The following MTA3 variants were observed in gnomAD, a reference collection of about 807,000 sequenced individuals.
MTA3 encodes metastasis-associated protein MTA3.
A neutral mutation model predicts 83.5 loss-of-function variants in MTA3; 34 were observed. That is an observed-to-expected ratio of 0.41 (90% CI 0.31 to 0.54). The LOEUF is 0.54. Ranked by LOEUF, MTA3 falls within the 20% of genes least tolerant of loss-of-function variation. MTA3 has a pLI of 0.33. For synonymous variants in MTA3, 303 were observed against 252.7 expected, an observed-to-expected ratio of 1.20 and a Z score of -1.89; for missense variants, 761 against 726.4, an observed-to-expected ratio of 1.05 and a Z score of -0.55.
intron 3 of MTA3, among the ~76,000 whole-genome samples, chr2:42,607,498 GTC>G (rs1299542198): frequency 6.6e-6 from 1 of 152,098 alleles, no homozygotes; most frequent in African/African-American, 2.4e-5. Context: ...TCCTACATCA[GTC>G]TCTGAGTAGC....
chr2:42,572,111 A>C (rs190939261), intron 2 of MTA3, among the ~76,000 whole-genome samples: 129 of 151,910 alleles, frequency 8.5e-4, no homozygotes, highest in African/African-American at 2.9e-3. Context: ...CCCCGTCTCT[A>C]CTAAAAATAC....
chr2:42,704,346 G>A (rs1425701955), intron 12 of MTA3, 28 bp downstream of exon 12: 3 of 1,612,394 alleles, frequency 1.9e-6, no homozygotes, highest in Non-Finnish European at 2.5e-6. Flanking sequence ...GGTCAGTTAA[G>A]CATCGGGAAC....
rs903346735 is a variant in MTA3, at chr2:42,604,808, G to T, written c.191-4650G>T. ...CTCTTAACGAGCATGCTGCCTTCAA[G>T]CATCTGTTTAACAAAGCACATATTG... is the stretch of plus-strand genomic sequence containing the variant. On this transcript the variant is annotated intron_variant, in intron 3 of 16. Transcript: ENST00000405094. Among the ~76,000 whole-genome samples the T allele has an allele frequency of 1.3e-5, 2 of 148,774 alleles. 1 individual carries two copies. The highest frequency in any genetic ancestry group is 3.0e-5 in the Non-Finnish European group (2 of 67,188).
chr2:42,750,618 A>G (rs1181587910), intron 16 of MTA3, among the ~76,000 whole-genome samples: 4 of 152,020 alleles, frequency 2.6e-5, no homozygotes, highest in African/African-American at 4.8e-5. Context: ...GTTTCTTCCT[A>G]TCTGTTCCCC....
chr2:42,561,777 T>C (rs1677687086), intron 2 of MTA3, among the ~76,000 whole-genome samples: 1 of 152,188 alleles, frequency 6.6e-6, no homozygotes, highest in African/African-American at 2.4e-5. Context: ...TATTTCTCTT[T>C]ATTCTATTAT....
At chr2:42,560,030 G>A (rs1044562841) in intron 2 of MTA3, among the ~76,000 whole-genome samples, 11 of 151,896 alleles carry the variant, frequency 7.2e-5, no homozygotes, top group African/African-American at 2.7e-4. Flanking sequence ...TTCATACTCT[G>A]CACAGCAGTC....
In MTA3 at chr2:42,644,247, A is replaced by T. The variant is rs773050795; in HGVS notation, c.499+3A>T. 3 of 1,591,988 alleles carry T rather than the reference A, an allele frequency of 1.9e-6. No homozygotes were observed. The highest frequency in any genetic ancestry group is 3.5e-5 in the Admixed American group (2 of 57,920). On this transcript the variant is annotated splice_donor_region_variant and intron_variant, in intron 6 of 16. Transcript: ENST00000405094. The stretch of plus-strand genomic sequence containing the variant: ...CATTCCAGAAATGCTGTTAGAAGGT[A>T]CGTTTTTCTGCGTGTTTGCAGTTTT...
At chr2:42,597,543 G>A (rs1402098349) in intron 3 of MTA3, among the ~76,000 whole-genome samples, 5 of 150,626 alleles carry the variant, frequency 3.3e-5, no homozygotes, top group African/African-American at 1.2e-4. Flanking sequence ...GCACTACCAC[G>A]CCCAGCTAAT....
At chr2:42,626,142 A>G (rs1323660804) in intron 4 of MTA3, among the ~76,000 whole-genome samples, 1 of 150,680 alleles carries the variant, frequency 6.6e-6, no homozygotes, top group Admixed American at 6.6e-5. Context: ...ATGGGGTTTC[A>G]CAGTGTTAGC....
At chr2:42,623,448 T>C (rs1464461620) in intron 4 of MTA3, among the ~76,000 whole-genome samples, 1 of 152,204 alleles carries the variant, frequency 6.6e-6, no homozygotes, top group Non-Finnish European at 1.5e-5. Flanking sequence ...GTCACGCCGC[T>C]GTCTTTGGGT....
At chr2:42,527,181 A>G (rs1430407130) in intron 2 of MTA3, among the ~76,000 whole-genome samples, 1 of 152,006 alleles carries the variant, frequency 6.6e-6, no homozygotes, top group Admixed American at 6.6e-5. Context: ...ACCTGAACCA[A>G]TCAATCAAAG....
intron 9 of MTA3, among the ~76,000 whole-genome samples, chr2:42,688,630 T>G (rs1294852024): frequency 8.8e-5 from 10 of 114,042 alleles, no homozygotes; most frequent in African/African-American, 1.1e-4. Flanking sequence ...TTTTTTTTTT[T>G]GTAACATTCT....
At chr2:42,622,322 G>C (rs1396506559) in intron 4 of MTA3, among the ~76,000 whole-genome samples, 3 of 150,032 alleles carry the variant, frequency 2.0e-5, no homozygotes, top group Admixed American at 6.7e-5. Flanking sequence ...AGGAGAATCA[G>C]ACAGGGAGGT....
chr2:42,496,020 C>G (rs778061898), intron 2 of MTA3, among the ~76,000 whole-genome samples: 9 of 152,212 alleles, frequency 5.9e-5, no homozygotes, highest in East Asian at 1.9e-4. Context: ...TTAAAAAATA[C>G]TTTCTAGAAG....
intron 2 of MTA3, among the ~76,000 whole-genome samples, chr2:42,512,017 A>T (rs1364703054): frequency 6.6e-6 from 1 of 151,338 alleles, no homozygotes; most frequent in Non-Finnish European, 1.5e-5. Flanking sequence ...ACTCCATCTC[A>T]AAAAAAATAA....
intron 4 of MTA3, among the ~76,000 whole-genome samples, chr2:42,636,413 A>G (rs1029436803): frequency 2.6e-5 from 4 of 151,864 alleles, no homozygotes; most frequent in Admixed American, 2.6e-4. Flanking sequence ...CGTGTGGCAC[A>G]CACCTGTAGT....
chr2:42,544,552 T>G (rs1406065430), intron 2 of MTA3, among the ~76,000 whole-genome samples: 2 of 148,470 alleles, frequency 1.3e-5, no homozygotes, highest in Non-Finnish European at 3.0e-5. Flanking sequence ...TTTTTTTTTT[T>G]CTTTGAGACA....
intron 2 of MTA3, among the ~76,000 whole-genome samples, chr2:42,553,306 C>T (rs879443192): frequency 5.9e-5 from 9 of 151,876 alleles, no homozygotes; most frequent in Non-Finnish European, 1.2e-4. Flanking sequence ...TGCCTGTAGT[C>T]CCAGCTACTC....
At chr2:42,620,139 T>TA (rs1301154949) in intron 4 of MTA3, among the ~76,000 whole-genome samples, 5 of 150,182 alleles carry the variant, frequency 3.3e-5, no homozygotes, top group Admixed American at 1.3e-4. Context: ...TTTTTTTTTT[T>TA]AAAGAGTCTT....
Sources: gnomAD v4.1 joint callset for allele counts (sites outside exome capture counted in the v4.1 genomes callset) on GRCh38, gnomAD v4.1.1 for gene constraint, MANE v1.5 for transcripts, NCBI Gene and HGNC (gene_info 2026-07-23, HGNC 2026-07-21) for gene names.